ZNF385B: variants seen among roughly 807,000 people sequenced by gnomAD.
ZNF385B encodes zinc finger protein 385B.
In ZNF385B, 23 loss-of-function variants were observed where a neutral mutation model predicts 39.2. The ratio of observed to expected loss-of-function variants is 0.59; its 90% CI spans 0.42 to 0.83. The LOEUF (loss-of-function observed/expected upper bound fraction) is 0.83. Among genes scored for constraint, ZNF385B ranks in the 40% least tolerant of loss-of-function variants. The probability of loss-of-function intolerance (pLI) is 0.00; values close to 1 mark genes in which losing one functional copy is unlikely to be tolerated. For missense variants in ZNF385B, 552 were observed against 598.9 expected, an observed-to-expected ratio of 0.92 and a Z score of 0.82; for synonymous variants, 205 against 222.6, an observed-to-expected ratio of 0.92 and a Z score of 0.70.
intron 6 of ZNF385B, chr2:179,481,016 A>C (rs1390009449): frequency 1.3e-5 from 2 of 152,248 alleles, no homozygotes; most frequent in Non-Finnish European, 2.9e-5. Flanking sequence ...CAGAGAATGC[A>C]GGAAGAAAGA....
In ZNF385B at chr2:179,576,259, T is replaced by A. The variant is rs962884837; in HGVS notation, c.299-31290A>T. The A allele has an allele frequency of 4.8e-6, 4 of 834,414 alleles. No homozygotes were observed. The African/African-American group carries it at 7.4e-5, about 15-fold the overall frequency. The allele number at this position is 834,414 out of a possible 1,614,324, so 51.7% of individuals were successfully genotyped here. A position where few individuals can be genotyped will look rare whatever the true frequency, so the allele number is the denominator to read the frequency against. On this transcript the variant is annotated intron_variant, in intron 3 of 9. Transcript: ENST00000410066. ...ATCCATCTCCCATGCCGCTGCCAGA[T>A]CAACGTATCTAAAAATCAAAAGTGA...
chr2:179,675,868 A>T (rs966976272), intron 3 of ZNF385B, among the ~76,000 whole-genome samples: 8 of 151,452 alleles, frequency 5.3e-5, no homozygotes, highest in Non-Finnish European at 8.8e-5. Context: ...GCTCATTGCA[A>T]CCTCCGCCTC....
At chr2:179,583,201 T>C (rs1367283350) in intron 3 of ZNF385B, among the ~76,000 whole-genome samples, 1 of 152,098 alleles carries the variant, frequency 6.6e-6, no homozygotes, top group Non-Finnish European at 1.5e-5. Context: ...ACGGTCACAC[T>C]TTAGGCATAG....
chr2:179,733,214 G>C (rs1393386205), intron 3 of ZNF385B, among the ~76,000 whole-genome samples: 1 of 152,130 alleles, frequency 6.6e-6, no homozygotes, highest in Non-Finnish European at 1.5e-5. Context: ...TTTCTGTCTT[G>C]ACCTTCTAGG....
At chr2:179,657,405 A>G (rs1408359957) in intron 3 of ZNF385B, among the ~76,000 whole-genome samples, 1 of 152,248 alleles carries the variant, frequency 6.6e-6, no homozygotes, top group Non-Finnish European at 1.5e-5. Flanking sequence ...GAAACTGCTC[A>G]AAACCGTGGC....
intron 3 of ZNF385B, among the ~76,000 whole-genome samples, chr2:179,768,735 C>A (rs1436863725): frequency 6.6e-6 from 1 of 152,180 alleles, no homozygotes; most frequent in African/African-American, 2.4e-5. Flanking sequence ...TCACATTTTT[C>A]TTTAATTCTG....
At chr2:179,459,049 A>T (rs1250225160) in intron 6 of ZNF385B, among the ~76,000 whole-genome samples, 1 of 152,216 alleles carries the variant, frequency 6.6e-6, no homozygotes, top group Non-Finnish European at 1.5e-5. Context: ...CATGTACCTA[A>T]GAAAGTAAAT....
At chr2:179,463,191 A>T (rs1342572897) in intron 6 of ZNF385B, among the ~76,000 whole-genome samples, 1 of 151,998 alleles carries the variant, frequency 6.6e-6, no homozygotes, top group East Asian at 1.9e-4. Flanking sequence ...AGTCCCTACC[A>T]TTGCTCCAAA....
At chr2:179,486,221 C>A (rs1232698084) in intron 5 of ZNF385B, among the ~76,000 whole-genome samples, 2 of 152,052 alleles carry the variant, frequency 1.3e-5, no homozygotes, top group African/African-American at 4.8e-5. Context: ...AGGCACAATT[C>A]TAAATGCATT....
chr2:179,557,004 CAAT>C (rs1209347702), intron 3 of ZNF385B, among the ~76,000 whole-genome samples: 4 of 149,038 alleles, frequency 2.7e-5, no homozygotes, highest in Non-Finnish European at 5.9e-5. Flanking sequence ...AAAAGTGTAA[CAAT>C]GTTACTCAAG....
intron 4 of ZNF385B, chr2:179,536,624 G>A (rs576727734): frequency 1.3e-5 from 2 of 152,076 alleles, no homozygotes; most frequent in Non-Finnish European, 2.9e-5. Flanking sequence ...TGTTCACTAT[G>A]ACCACAATCC....
At position 179,756,646 on chromosome 2, in the gene ZNF385B, A is replaced by C. The variant is rs150120316; in HGVS notation, c.298+12857T>G. On this transcript the variant is annotated intron_variant, in intron 3 of 9. Coordinates refer to ENST00000410066, the MANE Select transcript of ZNF385B (RefSeq NM_152520.6). The stretch of plus-strand genomic sequence containing the variant: ...AAACGTAGATTTGGTCTTTTCACCT[A>C]GTCCCATATACCTTCGAGGCTTTGT... 3.1e-3 allele frequency among the ~76,000 whole-genome samples: 478 copies of C among 152,120 alleles called. 3 individuals carry two copies. Among genetic ancestry groups the C allele is most frequent in the Non-Finnish European group, 3.8e-3 (256 of 68,022 alleles).
At chr2:179,516,649 C>T (rs4894106) in intron 5 of ZNF385B, among the ~76,000 whole-genome samples, 113,691 of 151,952 alleles carry the variant, frequency 0.75, 42,928 homozygotes, top group East Asian at 0.91. Context: ...TTATTTATAT[C>T]TGTATGCAAT....
rs10556902 is a variant in ZNF385B at position 179,819,034 on chromosome 2, T to TACACACACAC, written c.-155+42057_-155+42066dup. On this transcript the variant is annotated intron_variant, in intron 1 of 9. Transcript: ENST00000410066. ...GTATAAATATGTGCATGTTTATAAATACACACACACACACACACACACACA... is the reference window on the plus strand; with the variant it reads ...GTATAAATATGTGCATGTTTATAAATACACACACACACACACACACACACACACACACACA... 4.3e-3 allele frequency among the ~76,000 whole-genome samples: 637 copies of TACACACACAC among 148,190 alleles called. 3 individuals are homozygous for TACACACACAC. The highest frequency in any genetic ancestry group is 6.8e-3 in the Non-Finnish European group (459 of 67,086).
intron 3 of ZNF385B, among the ~76,000 whole-genome samples, chr2:179,561,083 A>G (rs2061305348): frequency 6.6e-6 from 1 of 152,202 alleles, no homozygotes; most frequent in South Asian, 2.1e-4. Flanking sequence ...CAAATACTAT[A>G]CCATTTCATT....
At chr2:179,712,648 G>C (rs1330676294) in intron 3 of ZNF385B, among the ~76,000 whole-genome samples, 1 of 152,044 alleles carries the variant, frequency 6.6e-6, no homozygotes, top group Non-Finnish European at 1.5e-5. Flanking sequence ...CATCACTGAG[G>C]GCTTGTTAGA....
chr2:179,561,954 C>A (rs1343071959), intron 3 of ZNF385B, among the ~76,000 whole-genome samples: 1 of 152,124 alleles, frequency 6.6e-6, no homozygotes, highest in African/African-American at 2.4e-5. Flanking sequence ...AGGCTACCAG[C>A]CACTATTCTG....
intron 3 of ZNF385B, among the ~76,000 whole-genome samples, chr2:179,665,043 A>T (rs1177793847): frequency 1.3e-5 from 2 of 152,180 alleles, no homozygotes; most frequent in African/African-American, 4.8e-5. Flanking sequence ...ACTTTATAGT[A>T]AGTAAATCTT....
At chr2:179,817,610 A>G (rs1707144109) in intron 1 of ZNF385B, among the ~76,000 whole-genome samples, 2 of 152,154 alleles carry the variant, frequency 1.3e-5, no homozygotes, top group African/African-American at 2.4e-5. Flanking sequence ...ACCGGGGAAG[A>G]AAGCCAGAGC....
Sources: allele counts gnomAD v4.1 joint callset (sites outside exome capture counted in the v4.1 genomes callset), GRCh38; gene constraint gnomAD v4.1.1; transcripts MANE v1.5; gene names NCBI Gene and HGNC (gene_info 2026-07-23, HGNC 2026-07-21).